LILRB4: variants seen among roughly 807,000 people sequenced by gnomAD.
The protein encoded by LILRB4 is leukocyte immunoglobulin-like receptor subfamily B member 4.
LILRB4 carries 49 observed loss-of-function variants against 55.2 expected under a neutral mutation model. The observed-to-expected ratio is 0.89, with a 90% CI of 0.71 to 1.13. The LOEUF is 1.13. Among genes scored for constraint, LILRB4 ranks in the 50% most tolerant of loss-of-function variants. The probability of loss-of-function intolerance (pLI) is 0.00; values close to 1 mark genes in which losing one functional copy is unlikely to be tolerated. For synonymous variants in LILRB4, 229 were observed against 213.8 expected (o/e 1.07, Z -0.62); for missense variants, 590 against 555.2 (o/e 1.06, Z -0.63).
At position 54,666,682 on chromosome 19, in the gene LILRB4, G is replaced by C. The variant is rs2065280778; in HGVS notation, c.989-15G>C. On this transcript the variant is annotated splice_polypyrimidine_tract_variant and intron_variant, in intron 9 of 11. Transcript: ENST00000430952. The surrounding 1 kb of genome is among the most constrained non-coding windows in gnomAD (Gnocchi z 4.8). Reference sequence around the variant, plus strand: ...AACCTTCCCAGGAGATGAACCCCTTGCTCTACCCCAGCAGGTGCTGCCGTG... The same window carrying C: ...AACCTTCCCAGGAGATGAACCCCTTCCTCTACCCCAGCAGGTGCTGCCGTG... The C allele has an allele frequency of 6.2e-7, 1 of 1,613,766 alleles. No individual in the cohort carries two copies. Among genetic ancestry groups the C allele is most frequent in the Non-Finnish European group, 8.5e-7 (1 of 1,179,750 alleles).
chr19:54,666,387 AT>A lies in LILRB4; in HGVS notation c.951-11del. ...CCTCACTGTCCCCTTACACTCCCGT[AT>A]CCTCCCCCAGGTCCAGCCCAGCTGC... On this transcript the variant is annotated splice_polypyrimidine_tract_variant and intron_variant, in intron 8 of 11. Coordinates refer to ENST00000430952, the Ensembl canonical transcript of LILRB4. The surrounding 1 kb of genome is among the most constrained non-coding windows in gnomAD (Gnocchi z 4.8). The A allele has an allele frequency of 5.6e-6, 9 of 1,613,984 alleles. No homozygotes were observed. Among genetic ancestry groups the A allele is most frequent in the Non-Finnish European group, 7.6e-6 (9 of 1,179,884 alleles).
chr19:54,664,187 A>G, exon 4 of LILRB4: 1 of 1,611,934 alleles, frequency 6.2e-7, no homozygotes, highest in Non-Finnish European at 8.5e-7. Flanking sequence ...CTCTCCTAGG[A>G]GCCTACAGTA....
rs938855381 is a variant in LILRB4 at position 54,666,361 on chromosome 19, A to G, written c.951-38A>G. ...CAGACTCCCACCCATCCCAACAGCC[A>G]CCTCACTGTCCCCTTACACTCCCGT... On this transcript the variant is annotated intron_variant, in intron 8 of 11. Transcript: ENST00000430952. The surrounding 1 kb of genome is among the most constrained non-coding windows in gnomAD (Gnocchi z 4.8). The G allele has an allele frequency of 1.9e-6, 3 of 1,612,040 alleles. No homozygotes were observed. The highest frequency in any genetic ancestry group is 2.5e-6 in the Non-Finnish European group (3 of 1,178,910).
chr19:54,666,920 G>A lies in LILRB4; in HGVS notation c.1041+171G>A, dbSNP rs545919991. ...GACCTCACTCTCTCCTGCTGTCCTGGGACCTCATGGGCCTCCTCCCGGGTC... is the reference window on the plus strand; with the variant it reads ...GACCTCACTCTCTCCTGCTGTCCTGAGACCTCATGGGCCTCCTCCCGGGTC... On this transcript the variant is annotated intron_variant, in intron 10 of 11. Coordinates refer to ENST00000430952, the Ensembl canonical transcript of LILRB4. This position sits in a 1 kb window ranked among gnomAD's most constrained non-coding sequence, Gnocchi z 4.8. The A allele has an allele frequency of 7.4e-5, 58 of 781,756 alleles. No homozygotes were observed. The African/African-American group carries it at 9.5e-4, about 13-fold the overall frequency. The allele number at this position is 781,756 out of a possible 1,614,324, so 48.4% of individuals were successfully genotyped here. A position where few individuals can be genotyped will look rare whatever the true frequency, so the allele number is the denominator to read the frequency against.
chr19:54,665,977 C>G lies in LILRB4; in HGVS notation c.874+46C>G. The G allele has an allele frequency of 6.2e-7, 1 of 1,612,054 alleles. No individual in the cohort carries two copies. Among genetic ancestry groups the G allele is most frequent in the Middle Eastern group, 1.7e-4 (1 of 6,044 alleles). On this transcript the variant is annotated intron_variant, in intron 7 of 11. Coordinates refer to ENST00000430952, the Ensembl canonical transcript of LILRB4. The surrounding 1 kb of genome is among the most constrained non-coding windows in gnomAD (Gnocchi z 5.5). Reference sequence around the variant, plus strand: ...CCCGTGGGCTGATGGAGGGTGGGCTCAGGGCACCAGCCAAAGGGACTCCAG... The same window carrying G: ...CCCGTGGGCTGATGGAGGGTGGGCTGAGGGCACCAGCCAAAGGGACTCCAG...
exon 4 of LILRB4, chr19:54,664,195 G>T (rs1393161837): frequency 8.1e-6 from 13 of 1,612,930 alleles, no homozygotes; most frequent in African/African-American, 1.3e-5. Flanking sequence ...GGAGCCTACA[G>T]TAAACCCACC....
chr19:54,665,000 G>T (rs1459600445), intron 5 of LILRB4, 130 bp from the exon 6 acceptor site: 1 of 1,366,042 alleles, frequency 7.3e-7, no homozygotes, highest in Non-Finnish European at 1.0e-6. Context: ...GGCACCACAG[G>T]CTCCCAAGGC....
upstream of LILRB4, chr19:54,662,993 C>T (rs1201581749): frequency 5.6e-6 from 9 of 1,614,070 alleles, no homozygotes; most frequent in Admixed American, 3.3e-5. Flanking sequence ...GCACTGAGGA[C>T]TCATCCATCT....
chr19:54,664,875 A>G, intron 5 of LILRB4, 26 bp downstream of exon 5: 1 of 1,606,658 alleles, frequency 6.2e-7, no homozygotes, highest in African/African-American at 1.3e-5. Flanking sequence ...CTCTGTCCAG[A>G]GAGTTTCCAA....
intron 10 of LILRB4, 179 bp from the exon 11 acceptor site, chr19:54,667,456 G>C: frequency 1.5e-6 from 2 of 1,290,428 alleles, no homozygotes; most frequent in Non-Finnish European, 2.1e-6. Context: ...CAAGGTCAGA[G>C]TGAGGAGCAG....
chr19:54,663,661 G>A, intron 2 of LILRB4, 93 bp from the exon 3 acceptor site: 2 of 1,609,972 alleles, frequency 1.2e-6, no homozygotes, highest in Non-Finnish European at 1.7e-6. Context: ...AGTTCTGGGT[G>A]ACTGATGAGG....
Position 54,666,162 on chromosome 19 carries a change from C to G in LILRB4, c.875-78C>G, listed in dbSNP as rs2065251551. 5.0e-6 allele frequency: 7 copies of G among 1,410,208 alleles called. No homozygotes were observed. In the South Asian group the frequency reaches 9.6e-5, roughly 19 times the overall value. 87.4% of individuals were successfully genotyped at this position (1,410,208 alleles called of 1,614,324 possible). A position where few individuals can be genotyped will look rare whatever the true frequency, so the allele number is the denominator to read the frequency against. On this transcript the variant is annotated intron_variant, in intron 7 of 11. Coordinates refer to ENST00000430952, the Ensembl canonical transcript of LILRB4. The surrounding 1 kb of genome is among the most constrained non-coding windows in gnomAD (Gnocchi z 4.8). Reference sequence around the variant, plus strand: ...TCCTTGCAAGTGTATTTTCAGGTTTCCTTTCCTCTTGACTTGCATGTGCAA... The same window carrying G: ...TCCTTGCAAGTGTATTTTCAGGTTTGCTTTCCTCTTGACTTGCATGTGCAA...
At position 54,664,944 on chromosome 19, in the gene LILRB4, G is replaced by T. The variant is rs189385654; in HGVS notation, c.706+95G>T. On this transcript the variant is annotated intron_variant, in intron 5 of 11. Transcript: ENST00000430952. ...ATCTAAGTCCTCGTTCCAATTCTCAGCTGGGCTTGCTTCCACGGGTGTGGG... is the reference window on the plus strand; with the variant it reads ...ATCTAAGTCCTCGTTCCAATTCTCATCTGGGCTTGCTTCCACGGGTGTGGG... 53 of 1,410,938 alleles carry T rather than the reference G, an allele frequency of 3.8e-5. No homozygotes were observed. The African/African-American group carries it at 6.9e-4, about 18-fold the overall frequency. The allele number at this position is 1,410,938 out of a possible 1,614,324, so 87.4% of individuals were successfully genotyped here. A position where few individuals can be genotyped will look rare whatever the true frequency, so the allele number is the denominator to read the frequency against.
rs779816017 is a variant in LILRB4 at position 54,663,523 on chromosome 19, C to T, written c.35-9C>T. On this transcript the variant is annotated splice_polypyrimidine_tract_variant and intron_variant, in intron 1 of 11. Transcript: ENST00000430952. ...CGGGGCAAATCCCTCACAGGGAACT[C>T]TCTTCCAGGGCTGAGTCTGGGCCCC... 1 of 1,612,684 alleles carries T rather than the reference C, an allele frequency of 6.2e-7. No homozygotes were observed. Among genetic ancestry groups the T allele is most frequent in the East Asian group, 2.2e-5 (1 of 44,856 alleles).
Position 54,666,056 on chromosome 19 carries a change from T to A in LILRB4, c.874+125T>A. The A allele has an allele frequency of 7.3e-7, 1 of 1,378,090 alleles. No individual in the cohort carries two copies. The highest frequency in any genetic ancestry group is 1.0e-6 in the Non-Finnish European group (1 of 1,001,048). 85.4% of individuals were successfully genotyped at this position (1,378,090 alleles called of 1,614,324 possible). ...TCCAGAAATTCCCAGTGAGAAAATC[T>A]AGAAAGAAGAAAATGAATGAGGGAG... On this transcript the variant is annotated intron_variant, in intron 7 of 11. Transcript: ENST00000430952. This position sits in a 1 kb window ranked among gnomAD's most constrained non-coding sequence, Gnocchi z 4.8.
chr19:54,666,188 G>GA lies in LILRB4; in HGVS notation c.875-52_875-51insA. On this transcript the variant is annotated intron_variant, in intron 7 of 11. Coordinates refer to ENST00000430952, the Ensembl canonical transcript of LILRB4. The surrounding 1 kb of genome is among the most constrained non-coding windows in gnomAD (Gnocchi z 4.8). ...CTTTCCTCTTGACTTGCATGTGCAA[G>GA]GCAGGTGGTTCTAACGTTCCCAGAG... 1 of 1,500,940 alleles carries GA rather than the reference G, an allele frequency of 6.7e-7. No individual in the cohort carries two copies. Among genetic ancestry groups the GA allele is most frequent in the Admixed American group, 2.2e-5 (1 of 45,990 alleles). 93.0% of individuals were successfully genotyped at this position (1,500,940 alleles called of 1,614,324 possible). A position where few individuals can be genotyped will look rare whatever the true frequency, so the allele number is the denominator to read the frequency against.
chr19:54,663,691 G>T lies in LILRB4; in HGVS notation c.71-63G>T, dbSNP rs1242645324. On this transcript the variant is annotated intron_variant, in intron 2 of 11. Transcript: ENST00000430952. Reference sequence around the variant, plus strand: ...ATGAGGATGACGGGGGGGTCCTGGGGCTGAGAGCTGGGATCTGAGGGCTGA... The same window carrying T: ...ATGAGGATGACGGGGGGGTCCTGGGTCTGAGAGCTGGGATCTGAGGGCTGA... The T allele has an allele frequency of 3.9e-5, 62 of 1,608,488 alleles. 1 individual carries two copies. Among genetic ancestry groups the T allele is most frequent in the Non-Finnish European group, 4.6e-5 (54 of 1,177,518 alleles).
chr19:54,666,192 G>A lies in LILRB4; in HGVS notation c.875-48G>A. 2 of 1,510,116 alleles carry A rather than the reference G, an allele frequency of 1.3e-6. No homozygotes were observed. The highest frequency in any genetic ancestry group is 1.8e-6 in the Non-Finnish European group (2 of 1,120,962). 93.5% of individuals were successfully genotyped at this position (1,510,116 alleles called of 1,614,324 possible). A position where few individuals can be genotyped will look rare whatever the true frequency, so the allele number is the denominator to read the frequency against. On this transcript the variant is annotated intron_variant, in intron 7 of 11. Coordinates refer to ENST00000430952, the Ensembl canonical transcript of LILRB4. The surrounding 1 kb of genome is among the most constrained non-coding windows in gnomAD (Gnocchi z 4.8). ...CCTCTTGACTTGCATGTGCAAGGCAGGTGGTTCTAACGTTCCCAGAGCTGA... is the reference window on the plus strand; with the variant it reads ...CCTCTTGACTTGCATGTGCAAGGCAAGTGGTTCTAACGTTCCCAGAGCTGA...
chr19:54,663,082 G>C lies in LILRB4; in HGVS notation c.34+15G>C, dbSNP rs780765308. The C allele has an allele frequency of 3.9e-5, 62 of 1,606,598 alleles. No homozygotes were observed. The highest frequency in any genetic ancestry group is 6.8e-5 in the Admixed American group (4 of 58,952). The stretch of plus-strand genomic sequence containing the variant: ...GCTCTGCCTCGGTGAGATTTAAAGA[G>C]GGGGAGGGGAGACCCGAGTCTTGGA... On this transcript the variant is annotated intron_variant, in intron 1 of 11. Transcript: ENST00000430952.
Sources: allele counts gnomAD v4.1 joint callset, GRCh38; gene constraint gnomAD v4.1.1; non-coding constraint Gnocchi (gnomAD v3.1); transcripts MANE v1.5; gene names NCBI Gene and HGNC (gene_info 2026-07-23, HGNC 2026-07-21).